ENKUR: variants seen among roughly 807,000 people sequenced by gnomAD.
ENKUR encodes the protein enkurin.
In ENKUR, 19 loss-of-function variants were observed where a neutral mutation model predicts 27.6. The ratio of observed to expected loss-of-function variants is 0.69; its 90% CI spans 0.48 to 1.01. The LOEUF (loss-of-function observed/expected upper bound fraction) is 1.01. Among genes scored for constraint, ENKUR ranks in the 50% least tolerant of loss-of-function variants. The pLI is 0.00. For synonymous variants in ENKUR, 117 were observed against 96.9 expected, an observed-to-expected ratio of 1.21 and a Z score of -1.22; for missense variants, 312 against 310.5, an observed-to-expected ratio of 1.00 and a Z score of -0.04.
intron 1 of ENKUR, among the ~76,000 whole-genome samples, chr10:25,012,547 C>T (rs1200544464): frequency 1.3e-5 from 2 of 152,198 alleles, no homozygotes; most frequent in Non-Finnish European, 2.9e-5. Context: ...GACATGGAGT[C>T]AAAGGAGATC....
chr10:25,050,340 A>C (rs1446536169), intron 2 of ENKUR, among the ~76,000 whole-genome samples: 1 of 152,196 alleles, frequency 6.6e-6, no homozygotes, highest in African/African-American at 2.4e-5. Flanking sequence ...AGACTGGGTA[A>C]TTTGTAAAGG....
At chr10:25,024,190 G>T (rs140656866) in intron 2 of ENKUR, 1 of 1,614,192 alleles carries the variant, frequency 6.2e-7, no homozygotes, top group South Asian at 1.1e-5. Flanking sequence ...GGAAAACTTT[G>T]CCTGCTCAAA....
At chr10:25,048,413 A>G (rs552047028) in intron 2 of ENKUR, among the ~76,000 whole-genome samples, 1 of 152,220 alleles carries the variant, frequency 6.6e-6, no homozygotes, top group African/African-American at 2.4e-5. Flanking sequence ...CACAAACATA[A>G]AAGGGGCAGG....
chr10:25,006,572 T>G (rs1421117775), intron 1 of ENKUR, among the ~76,000 whole-genome samples: 1 of 152,244 alleles, frequency 6.6e-6, no homozygotes, highest in Non-Finnish European at 1.5e-5. Context: ...ACATTTCATG[T>G]AGGTCCTCAT....
chr10:25,010,166 G>C (rs971036293), intron 1 of ENKUR, among the ~76,000 whole-genome samples: 3 of 152,152 alleles, frequency 2.0e-5, no homozygotes, highest in African/African-American at 7.2e-5. Context: ...TAGCAATAAA[G>C]ACAATAAAGT....
chr10:25,020,334 G>T (rs984898849), upstream of ENKUR, among the ~76,000 whole-genome samples: 1 of 151,434 alleles, frequency 6.6e-6, no homozygotes, highest in Non-Finnish European at 1.5e-5. Flanking sequence ...AAAAACAAGA[G>T]GGTAGAGGGG....
upstream of ENKUR, among the ~76,000 whole-genome samples, chr10:25,018,797 T>C (rs190732979): frequency 7.2e-5 from 11 of 152,214 alleles, no homozygotes; most frequent in East Asian, 2.1e-3. Flanking sequence ...CTCAAAGTTA[T>C]AGAATTGTGG....
chr10:25,035,830 C>CTCAA (rs1441524639), intron 2 of ENKUR, among the ~76,000 whole-genome samples: 2 of 152,200 alleles, frequency 1.3e-5, no homozygotes, highest in South Asian at 4.1e-4. Context: ...ATCTGTTTGA[C>CTCAA]TCAAGGTCAT....
intron 2 of ENKUR, among the ~76,000 whole-genome samples, chr10:25,026,999 T>C (rs1850866081): frequency 6.6e-6 from 1 of 152,098 alleles, no homozygotes; most frequent in Non-Finnish European, 1.5e-5. Flanking sequence ...TCATTTACTT[T>C]TAAGGATATT....
In ENKUR at chr10:25,052,588, G is replaced by A. The variant is rs958578223; in HGVS notation, c.37+8524C>T. On this transcript the variant is annotated intron_variant, in intron 2 of 5. Transcript: ENST00000615958. ...TTGAGACCAGCCTGGGAAACACAGT[G>A]AGACATCATCTCTACAGATTTTTTT... Among the ~76,000 whole-genome samples the A allele has an allele frequency of 7.9e-5, 12 of 152,150 alleles. No homozygotes were observed. In the Middle Eastern group the frequency reaches 0.01, roughly 129 times the overall value.
At chr10:25,019,543 A>G (rs1368459087), upstream of ENKUR, among the ~76,000 whole-genome samples, 2 of 152,200 alleles carry the variant, frequency 1.3e-5, no homozygotes, top group Admixed American at 1.3e-4. Flanking sequence ...AATTAGTACA[A>G]CAGCTCTGTA....
chr10:25,008,471 G>A (rs1850365245), intron 1 of ENKUR, among the ~76,000 whole-genome samples: 1 of 152,196 alleles, frequency 6.6e-6, no homozygotes, highest in African/African-American at 2.4e-5. Context: ...TAAACAAAGA[G>A]ATGTTATAAA....
At chr10:25,022,469 T>C (rs992801715) in intron 2 of ENKUR, among the ~76,000 whole-genome samples, 7 of 152,208 alleles carry the variant, frequency 4.6e-5, no homozygotes, top group Non-Finnish European at 8.8e-5. Flanking sequence ...TTGTATAATA[T>C]ACCTTTCACC....
intron 5 of ENKUR, 146 bp downstream of exon 5, chr10:24,984,587 ATTC>A (rs1191094083): frequency 1.9e-6 from 2 of 1,027,168 alleles, no homozygotes; most frequent in Admixed American, 3.0e-5. Context: ...TAACTCAATT[ATTC>A]TTTGCATATT....
At chr10:25,001,290 T>G (rs1850184437) in intron 1 of ENKUR, among the ~76,000 whole-genome samples, 1 of 151,414 alleles carries the variant, frequency 6.6e-6, no homozygotes, top group African/African-American at 2.4e-5. Flanking sequence ...ATAATTTTTC[T>G]TTTTTTTCCT....
At chr10:25,046,519 C>T (rs1186211747) in intron 2 of ENKUR, among the ~76,000 whole-genome samples, 1 of 152,206 alleles carries the variant, frequency 6.6e-6, no homozygotes, top group Non-Finnish European at 1.5e-5. Context: ...CACCTGTGTG[C>T]ATCTGCGTCC....
intron 2 of ENKUR, chr10:25,023,943 A>G: frequency 6.2e-7 from 1 of 1,614,230 alleles, no homozygotes; most frequent in Non-Finnish European, 8.5e-7. Flanking sequence ...TTTGGCCTGA[A>G]GACTGTGAAC....
upstream of ENKUR, among the ~76,000 whole-genome samples, chr10:25,017,246 C>T (rs1477026307): frequency 6.6e-6 from 1 of 152,188 alleles, no homozygotes; most frequent in East Asian, 1.9e-4. Flanking sequence ...TTCTGAGAAG[C>T]GGTTTTATTC....
chr10:25,001,873 T>C (rs923936243), intron 1 of ENKUR, among the ~76,000 whole-genome samples: 4 of 152,228 alleles, frequency 2.6e-5, no homozygotes, highest in African/African-American at 9.6e-5. Context: ...CTCTTGGTTA[T>C]GCATTATATT....
Sources: gnomAD v4.1 joint callset for allele counts (sites outside exome capture counted in the v4.1 genomes callset) on GRCh38, gnomAD v4.1.1 for gene constraint, MANE v1.5 for transcripts, NCBI Gene and HGNC (gene_info 2026-07-23, HGNC 2026-07-21) for gene names.